The following STK31 variants were observed in gnomAD, a reference collection of about 807,000 sequenced individuals.
STK31 encodes the protein serine/threonine kinase 31, also known as serine/threonine-protein kinase 31.
STK31 carries 89 observed loss-of-function variants against 129.7 expected under a neutral mutation model. That is an observed-to-expected ratio of 0.69 (90% confidence interval 0.58 to 0.82). STK31 has a LOEUF of 0.82. Among genes scored for constraint, STK31 ranks in the 40% least tolerant of loss-of-function variants. The probability of loss-of-function intolerance (pLI) is 0.00; values close to 1 mark genes in which losing one functional copy is unlikely to be tolerated. For missense variants in STK31, 1,187 were observed against 1,176.4 expected (o/e 1.01, Z -0.13); for synonymous variants, 448 against 395.3 (o/e 1.13, Z -1.58).
intron 6 of STK31, among the ~76,000 whole-genome samples, chr7:23,730,623 A>T (rs183562337): frequency 3.9e-5 from 6 of 151,910 alleles, no homozygotes; most frequent in Admixed American, 2.0e-4. Flanking sequence ...AGTCTAGAAT[A>T]ATTAAATGAC....
At chr7:23,734,684 G>T (rs1474315863) in intron 6 of STK31, among the ~76,000 whole-genome samples, 1 of 152,180 alleles carries the variant, frequency 6.6e-6, no homozygotes, top group Non-Finnish European at 1.5e-5. Flanking sequence ...AATGTAGAAG[G>T]CCAGGCGAGG....
At chr7:23,750,094 A>G in intron 8 of STK31, among the ~76,000 whole-genome samples, 1 of 118,184 alleles carries the variant, frequency 8.5e-6, no homozygotes, top group Non-Finnish European at 1.8e-5. Flanking sequence ...TGGAAACATG[A>G]GGGGATTTTA....
At chr7:23,828,034 G>C (rs547776204) in intron 23 of STK31, among the ~76,000 whole-genome samples, 1 of 152,134 alleles carries the variant, frequency 6.6e-6, no homozygotes, top group Non-Finnish European at 1.5e-5. Context: ...TAGGCTACTC[G>C]GGAGTCAGGG....
chr7:23,718,398 C>G (rs1394903808), intron 4 of STK31, among the ~76,000 whole-genome samples: 1 of 152,080 alleles, frequency 6.6e-6, no homozygotes, highest in Admixed American at 6.6e-5. Context: ...AAGTATATAG[C>G]TTGGTGAGTT....
chr7:23,799,725 C>T (rs1485402232), intron 22 of STK31, among the ~76,000 whole-genome samples: 1 of 152,122 alleles, frequency 6.6e-6, no homozygotes, highest in Non-Finnish European at 1.5e-5. Context: ...CAACAAATGC[C>T]AAAATTGACA....
intron 22 of STK31, among the ~76,000 whole-genome samples, chr7:23,791,526 A>G (rs190372270): frequency 4.5e-4 from 68 of 152,282 alleles, no homozygotes; most frequent in African/African-American, 1.6e-3. Context: ...TAGGCTGATT[A>G]CCTGGGTGAC....
At chr7:23,749,145 A>G (rs919093902) in intron 8 of STK31, among the ~76,000 whole-genome samples, 1 of 152,248 alleles carries the variant, frequency 6.6e-6, no homozygotes, top group African/African-American at 2.4e-5. Flanking sequence ...CTCTTTGCTT[A>G]CATTGCCCGT....
chr7:23,791,059 CT>C, intron 22 of STK31, 113 bp downstream of exon 22: 4 of 1,080,426 alleles, frequency 3.7e-6, no homozygotes, highest in Non-Finnish European at 4.8e-6. Flanking sequence ...TTTAGTAGAA[CT>C]TTAAGTTTTA....
intron 22 of STK31, among the ~76,000 whole-genome samples, chr7:23,806,534 G>T: frequency 6.6e-6 from 1 of 152,162 alleles, no homozygotes; most frequent in South Asian, 2.1e-4. Context: ...GAGGTTTTAT[G>T]ATTCTAACAT....
At chr7:23,781,323 A>T in intron 15 of STK31, 96 bp from the exon 16 acceptor site, 1 of 871,262 alleles carries the variant, frequency 1.1e-6, no homozygotes, top group Middle Eastern at 3.5e-4. Flanking sequence ...GGATACATAG[A>T]AACCACACAG....
intron 22 of STK31, among the ~76,000 whole-genome samples, chr7:23,809,380 T>A (rs2128124559): frequency 6.6e-6 from 1 of 152,272 alleles, no homozygotes; most frequent in Non-Finnish European, 1.5e-5. Context: ...ACTTAAATCC[T>A]ATCCTCATTC....
In STK31 at chr7:23,754,370, T is replaced by C. The variant is rs923075430; in HGVS notation, c.1189T>C (p.Leu397=). The C allele has an allele frequency of 1.2e-6, 2 of 1,614,014 alleles. No homozygotes were observed. The highest frequency in any genetic ancestry group is 2.7e-5 in the African/African-American group (2 of 75,012). The change falls in exon 10 of 24, where the codon TTG becomes CTG. Residue 397 remains leucine, a synonymous_variant. Transcript: ENST00000355870. ...AGACCTTTCAGATGCTATACAAGTG[T>C]TGGATGAAGGGTGCTTTACTACTCC... The part of the protein sequence containing the change: ...GKDLSDAIQV[L]DEGCFTTPAS...
chr7:23,769,591 G>A (rs1345437398), intron 12 of STK31, 49 bp from the exon 13 acceptor site: 2 of 1,267,932 alleles, frequency 1.6e-6, no homozygotes, highest in East Asian at 2.3e-5. Flanking sequence ...CACGATGAAT[G>A]CTGATTGAAT....
intron 23 of STK31, among the ~76,000 whole-genome samples, chr7:23,820,714 C>T: frequency 6.6e-6 from 1 of 152,182 alleles, no homozygotes; most frequent in East Asian, 1.9e-4. Flanking sequence ...ATCTGTCATT[C>T]AACTCTACCT....
At chr7:23,815,052 A>G (rs1173076556) in intron 22 of STK31, 92 bp from the exon 23 acceptor site, 10 of 853,494 alleles carry the variant, frequency 1.2e-5, no homozygotes, top group African/African-American at 7.0e-5. Flanking sequence ...GCTCTTTTCT[A>G]GTCACCAGGA....
At chr7:23,828,134 C>T (rs1458848394) in intron 23 of STK31, among the ~76,000 whole-genome samples, 1 of 152,168 alleles carries the variant, frequency 6.6e-6, no homozygotes, top group African/African-American at 2.4e-5. Flanking sequence ...CAGACAGGGA[C>T]ACTTAAGTCT....
intron 17 of STK31, among the ~76,000 whole-genome samples, chr7:23,784,724 T>C (rs2097646090): frequency 6.6e-6 from 1 of 152,152 alleles, no homozygotes. Flanking sequence ...CAATGCCTCT[T>C]ACTGAAACTG....
chr7:23,729,282 G>A, intron 6 of STK31, 33 bp downstream of exon 6: 1 of 1,550,398 alleles, frequency 6.4e-7, no homozygotes. Flanking sequence ...TTTTGCTAAT[G>A]AAAGTAAAAC....
At position 23,815,084 on chromosome 7, in the gene STK31, C is replaced by G. The variant is rs1377691640; in HGVS notation, c.2761-60C>G. ...AGGATCTGAAGTTCCAGAGTTGACT[C>G]TTCTATAGATTGGCGTATTAATACA... On this transcript the variant is annotated intron_variant, in intron 22 of 23. Coordinates refer to ENST00000355870, the MANE Select transcript of STK31 (RefSeq NM_031414.5). The G allele has an allele frequency of 5.5e-6, 7 of 1,268,150 alleles. 1 individual carries two copies. The African/African-American group carries it at 9.1e-5, about 17-fold the overall frequency. The allele number at this position is 1,268,150 out of a possible 1,614,324, so 78.6% of individuals were successfully genotyped here. A position where few individuals can be genotyped will look rare whatever the true frequency, so the allele number is the denominator to read the frequency against.
Sources: gnomAD v4.1 joint callset for allele counts (sites outside exome capture counted in the v4.1 genomes callset) on GRCh38, gnomAD v4.1.1 for gene constraint, MANE v1.5 for transcripts, NCBI Gene and HGNC (gene_info 2026-07-23, HGNC 2026-07-21) for gene names.